The following CD109 variants were observed in gnomAD, a reference collection of about 807,000 sequenced individuals.
CD109 encodes CD109 antigen.
Under a neutral mutation model 165.8 loss-of-function variants are expected in CD109, and 149 were observed. The observed-to-expected ratio is 0.90, with a 90% confidence interval of 0.79 to 1.03. The LOEUF (loss-of-function observed/expected upper bound fraction) is 1.03, where lower values mean the gene tolerates loss of function less well. Ranked by LOEUF, CD109 falls within the 50% of genes least tolerant of loss-of-function variation. CD109 has a pLI of 0.00. For missense variants in CD109, 1,712 were observed against 1,677.8 expected, an observed-to-expected ratio of 1.02 and a Z score of -0.36; for synonymous variants, 585 against 592.1, an observed-to-expected ratio of 0.99 and a Z score of 0.18.
chr6:73,687,850 T>G, the CD109 span, among the ~76,000 whole-genome samples: 1 of 152,164 alleles, frequency 6.6e-6, no homozygotes, highest in Non-Finnish European at 1.5e-5. Context: ...CAGACTACTG[T>G]TCCAAGGAAA....
At chr6:73,786,744 A>G (rs1332856637) in intron 20 of CD109, among the ~76,000 whole-genome samples, 1 of 152,370 alleles carries the variant, frequency 6.6e-6, no homozygotes, top group African/African-American at 2.4e-5. Context: ...ACAAAAGTTT[A>G]CAACCAAGAT....
intron 5 of CD109, among the ~76,000 whole-genome samples, chr6:73,754,762 TTAAGC>T (rs1234886281): frequency 1.3e-5 from 2 of 152,176 alleles, no homozygotes; most frequent in Non-Finnish European, 2.9e-5. Flanking sequence ...GTAGTAATAT[TTAAGC>T]TAAGCCCTGG....
At chr6:73,758,796 A>G (rs1773500626) in intron 6 of CD109, 148 bp from the exon 7 acceptor site, 1 of 650,958 alleles carries the variant, frequency 1.5e-6, no homozygotes, top group Admixed American at 2.8e-5. Context: ...TTAAGTTCAA[A>G]TAGTACAAAT....
At chr6:73,750,160 T>G (rs1373562547) in intron 5 of CD109, among the ~76,000 whole-genome samples, 1 of 152,122 alleles carries the variant, frequency 6.6e-6, no homozygotes, top group African/African-American at 2.4e-5. Context: ...TGGATTTCGA[T>G]TGGAGCAGAG....
the CD109 span, among the ~76,000 whole-genome samples, chr6:73,679,933 G>A: frequency 6.6e-6 from 1 of 152,090 alleles, no homozygotes; most frequent in Non-Finnish European, 1.5e-5. Context: ...CTACACCCGG[G>A]TATAGATGTT....
chr6:73,696,990 T>TAAAAA (rs1243232634), intron 1 of CD109, among the ~76,000 whole-genome samples: 26 of 152,310 alleles, frequency 1.7e-4, no homozygotes, highest in Non-Finnish European at 2.1e-4. Context: ...AAAATCTTAG[T>TAAAAA]TAAAAAATAA....
chr6:73,736,569 GA>G (rs1772554545), intron 5 of CD109, 61 bp downstream of exon 5: 16 of 1,423,932 alleles, frequency 1.1e-5, no homozygotes, highest in Admixed American at 2.2e-5. Context: ...TCAGGTGGGG[GA>G]AAATCTCCAA....
the CD109 span, among the ~76,000 whole-genome samples, chr6:73,687,251 A>G: frequency 1.3e-5 from 2 of 152,156 alleles, no homozygotes; most frequent in African/African-American, 4.8e-5. Flanking sequence ...ATAAAGGTTA[A>G]TTCTTTACCT....
At chr6:73,815,592 C>A (rs1038644548) in intron 30 of CD109, among the ~76,000 whole-genome samples, 4 of 151,912 alleles carry the variant, frequency 2.6e-5, no homozygotes, top group African/African-American at 9.7e-5. Context: ...TGAAAATATT[C>A]CAGTTTAGGA....
chr6:73,810,110 G>C lies in CD109; in HGVS notation c.3482G>C (p.Gly1161Ala). Reference sequence around the variant, plus strand: ...TTCTTACAATTTCAGACTTCTGAGGGAATCCCAATTATGAGGTGGCTAAGC... The same window carrying C: ...TTCTTACAATTTCAGACTTCTGAGGCAATCCCAATTATGAGGTGGCTAAGC... ...SHFLQFQTSE[G>A]IPIMRWLSRQ... Residue 1161 changes from glycine to alanine, a missense_variant, in exon 27 of 33, where the codon GGA becomes GCA. Transcript: ENST00000287097. 1 of 1,608,564 alleles carries C rather than the reference G, an allele frequency of 6.2e-7. No homozygotes were observed. Among genetic ancestry groups the C allele is most frequent in the Non-Finnish European group, 8.5e-7 (1 of 1,178,304 alleles).
intron 21 of CD109, among the ~76,000 whole-genome samples, chr6:73,788,224 CAA>C (rs1481314035): frequency 6.6e-6 from 1 of 152,086 alleles, no homozygotes; most frequent in Non-Finnish European, 1.5e-5. Context: ...AAAAATTAAT[CAA>C]AGTTATGGTA....
intron 22 of CD109, among the ~76,000 whole-genome samples, chr6:73,792,279 A>ACC (rs1490087684): frequency 2.0e-5 from 3 of 152,296 alleles, no homozygotes; most frequent in South Asian, 4.1e-4. Context: ...CTACTAATAA[A>ACC]ATGTTTCTTT....
rs559278462 is a variant in CD109, at chr6:73,785,353, G to C, written c.2224-11G>C. The C allele has an allele frequency of 6.9e-7, 1 of 1,453,752 alleles. No individual in the cohort carries two copies. Among genetic ancestry groups the C allele is most frequent in the Admixed American group, 1.7e-5 (1 of 57,474 alleles). 90.1% of individuals were successfully genotyped at this position (1,453,752 alleles called of 1,614,324 possible). On this transcript the variant is annotated splice_polypyrimidine_tract_variant and intron_variant, in intron 19 of 32. Coordinates refer to ENST00000287097, the MANE Select transcript of CD109 (RefSeq NM_133493.5). ...CTGAATAAAAATATGTACTCGTTGT[G>C]TTCTTTCCAGCTCCAAGCCTTCCAA...
At chr6:73,740,603 CTTTT>C (rs776790429) in intron 5 of CD109, among the ~76,000 whole-genome samples, 1 of 111,912 alleles carries the variant, frequency 8.9e-6, no homozygotes, top group African/African-American at 3.2e-5. Flanking sequence ...TTCTTTCTTT[CTTTT>C]TTTTTTTTTT....
chr6:73,720,095 G>A (rs1771890846), intron 2 of CD109, among the ~76,000 whole-genome samples: 1 of 152,124 alleles, frequency 6.6e-6, no homozygotes, highest in Non-Finnish European at 1.5e-5. Flanking sequence ...ATCGATGTCA[G>A]TGTCCATCAA....
At chr6:73,717,835 G>A (rs1042833930) in intron 2 of CD109, among the ~76,000 whole-genome samples, 8 of 151,324 alleles carry the variant, frequency 5.3e-5, no homozygotes, top group African/African-American at 1.5e-4. Flanking sequence ...TAACCAGGAC[G>A]GTCTCGATCT....
intron 15 of CD109, among the ~76,000 whole-genome samples, chr6:73,775,829 T>C (rs115569794): frequency 0.11 from 16,547 of 152,140 alleles, 1,524 homozygotes; most frequent in African/African-American, 0.25. Context: ...GCTCCATCCA[T>C]GTACCTGCAA....
chr6:73,757,363 G>A (rs1477176228), intron 6 of CD109, among the ~76,000 whole-genome samples: 1 of 151,962 alleles, frequency 6.6e-6, no homozygotes, highest in Admixed American at 6.6e-5. Flanking sequence ...ATTTTGCCGT[G>A]GTAGCATGAG....
At chr6:73,818,279 C>G in intron 30 of CD109, 109 bp from the exon 31 acceptor site, 1 of 1,098,524 alleles carries the variant, frequency 9.1e-7, no homozygotes. Context: ...TGAACTCAAA[C>G]AGTGTTTGGA....
Sources: allele counts gnomAD v4.1 joint callset (sites outside exome capture counted in the v4.1 genomes callset), GRCh38; gene constraint gnomAD v4.1.1; transcripts MANE v1.5; gene names NCBI Gene and HGNC (gene_info 2026-07-23, HGNC 2026-07-21).